Variants in GABRA3 observed in about 807,000 individuals in gnomAD.
The protein encoded by GABRA3 is gamma-aminobutyric acid type A receptor subunit alpha3, also known as gamma-aminobutyric acid receptor subunit alpha-3.
GABRA3 carries 10 observed loss-of-function variants against 30.1 expected under a neutral mutation model. The observed-to-expected ratio is 0.33, with a 90% confidence interval of 0.20 to 0.56. The LOEUF (loss-of-function observed/expected upper bound fraction) is 0.56. Ranked by LOEUF, GABRA3 falls within the 20% of genes least tolerant of loss-of-function variation. The pLI is 0.89. For missense variants in GABRA3, 233 were observed against 392.0 expected (o/e 0.59, Z 3.42); for synonymous variants, 151 against 146.8 (o/e 1.03, Z -0.21).
intron 2 of GABRA3, among the ~76,000 whole-genome samples, chrX:152,359,871 C>T (rs752350051): frequency 3.1e-4 from 35 of 111,647 alleles, no homozygotes; most frequent in Admixed American, 2.2e-3. Context: ...TAGTATCATG[C>T]CTCAAAAGTA....
rs754176782 is a variant in GABRA3 at position 152,166,877 on chromosome X, C to T, written c.*1351G>A. On this transcript the variant is annotated 3_prime_UTR_variant, in exon 10 of 10. Coordinates refer to ENST00000370314, the MANE Select transcript of GABRA3 (RefSeq NM_000808.4). Reference sequence around the variant, plus strand: ...GCCTTTGGAAAGGGGCGCACGATAGCTCTTTATTAAAGACACTTGTAAGGA... The same window carrying T: ...GCCTTTGGAAAGGGGCGCACGATAGTTCTTTATTAAAGACACTTGTAAGGA... 173 of 110,974 alleles carry T rather than the reference C, an allele frequency of 1.6e-3. No homozygotes were observed. Among genetic ancestry groups the T allele is most frequent in the African/African-American group, 5.3e-3 (162 of 30,479 alleles). 9.1% of individuals were successfully genotyped at this position (110,974 alleles called of 1,213,427 possible). A position where few individuals can be genotyped will look rare whatever the true frequency, so the allele number is the denominator to read the frequency against.
chrX:152,384,820 G>T (rs963906538), intron 1 of GABRA3, among the ~76,000 whole-genome samples: 1 of 111,663 alleles, frequency 9.0e-6, no homozygotes, highest in African/African-American at 3.2e-5. Context: ...AACAAATACC[G>T]AATGGTAGAC....
At chrX:152,303,598 G>C (rs1939670418) in intron 3 of GABRA3, among the ~76,000 whole-genome samples, 2 of 112,078 alleles carry the variant, frequency 1.8e-5, no homozygotes, top group Admixed American at 1.9e-4. Flanking sequence ...TAAAGAAAAT[G>C]TGGCACATAT....
chrX:152,271,404 G>C (rs1000851689), intron 4 of GABRA3, among the ~76,000 whole-genome samples: 2 of 112,391 alleles, frequency 1.8e-5, no homozygotes, highest in African/African-American at 6.5e-5. Context: ...CTTTAGCAAA[G>C]AGACTGGTGG....
At chrX:152,444,979 T>G (rs1931044248) in intron 1 of GABRA3, among the ~76,000 whole-genome samples, 1 of 78,524 alleles carries the variant, frequency 1.3e-5, no homozygotes, top group Non-Finnish European at 2.3e-5. Flanking sequence ...GAGAATGGCG[T>G]GAACCCGGGA....
At chrX:152,285,029 C>G (rs1160763202) in intron 3 of GABRA3, among the ~76,000 whole-genome samples, 1 of 92,127 alleles carries the variant, frequency 1.1e-5, no homozygotes, top group Non-Finnish European at 2.3e-5. Flanking sequence ...CTGGGCTTAC[C>G]CTTACCTGTA....
intron 1 of GABRA3, among the ~76,000 whole-genome samples, chrX:152,371,567 T>C (rs971648822): frequency 4.5e-5 from 5 of 111,028 alleles, no homozygotes; most frequent in Non-Finnish European, 7.5e-5. Context: ...ATAAAAGTGA[T>C]GCAATATCAT....
intron 1 of GABRA3, among the ~76,000 whole-genome samples, chrX:152,448,986 GT>G (rs1160131745): frequency 9.0e-6 from 1 of 111,360 alleles, no homozygotes; most frequent in Non-Finnish European, 1.9e-5. Flanking sequence ...GGGTCAATTT[GT>G]GGCTAACAAA....
chrX:152,356,090 C>T (rs1383570017), intron 2 of GABRA3, among the ~76,000 whole-genome samples: 1 of 111,578 alleles, frequency 9.0e-6, no homozygotes, highest in Non-Finnish European at 1.9e-5. Context: ...GTTCCAGAAT[C>T]CCAAATCCCA....
intron 5 of GABRA3, among the ~76,000 whole-genome samples, chrX:152,232,648 T>C (rs1172431163): frequency 9.2e-6 from 1 of 108,416 alleles, no homozygotes; most frequent in Non-Finnish European, 1.9e-5. Flanking sequence ...TGTATATATG[T>C]AACATTGTGT....
intron 3 of GABRA3, among the ~76,000 whole-genome samples, chrX:152,340,846 A>T (rs1246615416): frequency 1.8e-5 from 2 of 109,854 alleles, no homozygotes; most frequent in Admixed American, 9.7e-5. Flanking sequence ...GGTTGGGGAG[A>T]TTGCAATTTT....
At chrX:152,292,149 C>CT (rs748699483) in intron 3 of GABRA3, among the ~76,000 whole-genome samples, 161 of 111,024 alleles carry the variant, frequency 1.5e-3, no homozygotes, top group African/African-American at 5.1e-3. Context: ...TGGTCCTGGA[C>CT]TTTTTTTTAG....
intron 6 of GABRA3, among the ~76,000 whole-genome samples, chrX:152,212,422 G>A (rs1476089369): frequency 9.3e-6 from 1 of 107,560 alleles, no homozygotes; most frequent in Non-Finnish European, 1.9e-5. Flanking sequence ...CTTCTAATGG[G>A]AAAGTGGGAA....
intron 1 of GABRA3, among the ~76,000 whole-genome samples, chrX:152,424,734 G>A (rs1443060328): frequency 1.8e-5 from 2 of 109,769 alleles, no homozygotes; most frequent in Admixed American, 2.0e-4. Flanking sequence ...ACTATAATAT[G>A]CTTTTGGTGT....
At chrX:152,390,650 C>A (rs188975781) in intron 1 of GABRA3, among the ~76,000 whole-genome samples, 2 of 111,770 alleles carry the variant, frequency 1.8e-5, no homozygotes, top group East Asian at 5.7e-4. Flanking sequence ...TGTAAAGCCA[C>A]CACCAGTGCT....
intron 1 of GABRA3, among the ~76,000 whole-genome samples, chrX:152,441,011 T>TAA (rs3042367): frequency 3.1e-5 from 3 of 97,655 alleles, no homozygotes; most frequent in African/African-American, 1.2e-4. Flanking sequence ...TATAGTATAA[T>TAA]AAAAAAAAAA....
intron 6 of GABRA3, among the ~76,000 whole-genome samples, chrX:152,215,647 A>G (rs1392430296): frequency 2.7e-5 from 3 of 111,367 alleles, no homozygotes; most frequent in Non-Finnish European, 5.7e-5. Context: ...AAATTACTAG[A>G]AGAAAATGTA....
chrX:152,281,379 A>G (rs1939195851), intron 4 of GABRA3, among the ~76,000 whole-genome samples: 1 of 111,179 alleles, frequency 9.0e-6, no homozygotes, highest in Non-Finnish European at 1.9e-5. Flanking sequence ...CTCCTAGGAG[A>G]TCATGGACAC....
intron 1 of GABRA3, among the ~76,000 whole-genome samples, chrX:152,385,878 C>G (rs1455179967): frequency 8.1e-5 from 9 of 110,532 alleles, no homozygotes; most frequent in African/African-American, 1.3e-4. Flanking sequence ...GTTTTTCTCA[C>G]GTTTGTCAAA....
Sources: allele counts gnomAD v4.1 joint callset (sites outside exome capture counted in the v4.1 genomes callset), GRCh38; gene constraint gnomAD v4.1.1; transcripts MANE v1.5; gene names NCBI Gene and HGNC (gene_info 2026-07-23, HGNC 2026-07-21).